CDRT4: variants seen among roughly 807,000 people sequenced by gnomAD.
CDRT4 encodes CMT1A duplicated region transcript 4 protein.
For missense variants in CDRT4, 167 were observed against 193.1 expected (o/e 0.87, Z 0.80); for synonymous variants, 64 against 69.6 (o/e 0.92, Z 0.40).
At chr17:15,465,207 AACAGACACACACCAACAC>A (rs758020299) in intron 1 of CDRT4, among the ~76,000 whole-genome samples, 36 of 126,422 alleles carry the variant, frequency 2.8e-4, no homozygotes, top group Admixed American at 1.5e-3. Flanking sequence ...CAGACACACC[AACAGACACACACCAACAC>A]ACAGACACAC....
rs1226538228 is a variant in CDRT4, at chr17:15,464,147, A to G, written c.-130+3313T>C. 3.3e-5 allele frequency among the ~76,000 whole-genome samples: 5 copies of G among 152,154 alleles called. No individual in the cohort carries two copies. In the East Asian group the frequency reaches 9.7e-4, roughly 29 times the overall value. On this transcript the variant is annotated intron_variant, in intron 1 of 3. Transcript: ENST00000619038. This position sits in a 1 kb window ranked among gnomAD's most constrained non-coding sequence, Gnocchi z 4.5. ...CCAACTGTGTGACCTTGGGTAACTT[A>G]TTAACCTCTCTGGCCGCGTTTTTCT...
At chr17:15,440,449 C>T (rs1978706560) in intron 2 of CDRT4, among the ~76,000 whole-genome samples, 164 bp from the exon 3 acceptor site, 1 of 152,072 alleles carries the variant, frequency 6.6e-6, no homozygotes, top group African/African-American at 2.4e-5. Context: ...TGGAGACAGG[C>T]CAAGTGAGCC....
intron 2 of CDRT4, among the ~76,000 whole-genome samples, chr17:15,441,782 T>C (rs1459031654): frequency 6.6e-6 from 1 of 152,220 alleles, no homozygotes; most frequent in African/African-American, 2.4e-5. Flanking sequence ...TAGAGACAGA[T>C]CTTACAGAGT....
chr17:15,458,367 CA>C (rs770049051), intron 1 of CDRT4, among the ~76,000 whole-genome samples: 12 of 152,164 alleles, frequency 7.9e-5, no homozygotes, highest in Non-Finnish European at 1.6e-4. Flanking sequence ...CATGAAGATG[CA>C]GGCCTGAACT....
intron 2 of CDRT4, among the ~76,000 whole-genome samples, chr17:15,451,275 G>A (rs1052222456): frequency 6.6e-6 from 1 of 152,174 alleles, no homozygotes; most frequent in Admixed American, 6.5e-5. Context: ...CTTCCGCCAT[G>A]AATGTGGAGA....
intron 1 of CDRT4, among the ~76,000 whole-genome samples, chr17:15,466,098 AG>A (rs1421671344): frequency 6.6e-6 from 1 of 152,116 alleles, no homozygotes; most frequent in Non-Finnish European, 1.5e-5. Flanking sequence ...GGAAGCCTGG[AG>A]GAAGCCTGCG....
chr17:15,442,321 A>C (rs1430316219), intron 2 of CDRT4, among the ~76,000 whole-genome samples: 2 of 151,912 alleles, frequency 1.3e-5, no homozygotes. Context: ...GAGGCAGAAG[A>C]GTCACTTGAA....
intron 2 of CDRT4, among the ~76,000 whole-genome samples, chr17:15,449,999 G>A (rs568433092): frequency 6.6e-6 from 1 of 152,242 alleles, no homozygotes; most frequent in Admixed American, 6.5e-5. Context: ...CTGCTATTAT[G>A]AATAGTGCTG....
chr17:15,453,241 C>T (rs558814782), intron 1 of CDRT4, among the ~76,000 whole-genome samples, 156 bp from the exon 2 acceptor site: 6 of 152,290 alleles, frequency 3.9e-5, no homozygotes, highest in African/African-American at 9.6e-5. Flanking sequence ...ATTCCCCAGA[C>T]GTCACAAAAG....
In CDRT4 at chr17:15,436,747, C is replaced by T. The variant is rs547270854; in HGVS notation, c.*1026G>A. ...CTTTGTTTGCCCTCCAAGGGAAAAACCTCTCAATACCAGGTCCAGGAGCAG... is the reference window on the plus strand; with the variant it reads ...CTTTGTTTGCCCTCCAAGGGAAAAATCTCTCAATACCAGGTCCAGGAGCAG... On this transcript the variant is annotated 3_prime_UTR_variant, in exon 4 of 4. Coordinates refer to ENST00000619038, the MANE Select transcript of CDRT4 (RefSeq NM_001204477.2). The T allele has an allele frequency of 1.4e-4, 21 of 152,200 alleles. No individual in the cohort carries two copies. Among genetic ancestry groups the T allele is most frequent in the African/African-American group, 4.8e-4 (20 of 41,400 alleles). The allele number at this position is 152,200 out of a possible 1,614,324, so 9.4% of individuals were successfully genotyped here.
At chr17:15,448,955 C>T (rs2906981) in intron 2 of CDRT4, among the ~76,000 whole-genome samples, 11,969 of 152,302 alleles carry the variant, frequency 0.079, 1,032 homozygotes, top group East Asian at 0.44. Flanking sequence ...ATCACCAGGT[C>T]TTCCTCTCAG....
In CDRT4 at chr17:15,437,685, G is replaced by C; in HGVS notation, c.*88C>G. ...AGATTTAAAGGACACTGTCAAGTGAGTGGTAAATGGAGCTTAACTTTTGTA... is the reference window on the plus strand; with the variant it reads ...AGATTTAAAGGACACTGTCAAGTGACTGGTAAATGGAGCTTAACTTTTGTA... On this transcript the variant is annotated 3_prime_UTR_variant, in exon 4 of 4. Transcript: ENST00000619038. The C allele has an allele frequency of 7.6e-7, 1 of 1,319,516 alleles. No individual in the cohort carries two copies. Among genetic ancestry groups the C allele is most frequent in the Middle Eastern group, 1.9e-4 (1 of 5,284 alleles). The allele number at this position is 1,319,516 out of a possible 1,614,324, so 81.7% of individuals were successfully genotyped here.
rs745650186 is a variant in CDRT4, at chr17:15,438,000, T to G, written c.232A>C (p.Arg78=). ...CCAGAAGACTTGGAAGACTTCCTCC[T>G]TTTCGGCTGAATGACGCTGGAAGGT... ...NKPSSVIQPK[R]RKSSKSSGKA... is the part of the protein sequence containing the mutation. The change falls in exon 4 of 4, where the codon AGG becomes CGG. Residue 78 remains arginine, a synonymous_variant. Coordinates refer to ENST00000619038, the MANE Select transcript of CDRT4 (RefSeq NM_001204477.2). 3 of 1,614,188 alleles carry G rather than the reference T, an allele frequency of 1.9e-6. No individual in the cohort carries two copies. The highest frequency in any genetic ancestry group is 2.2e-5 in the East Asian group (1 of 44,884).
intron 1 of CDRT4, among the ~76,000 whole-genome samples, chr17:15,453,808 GA>G (rs759371867): frequency 2.0e-5 from 3 of 152,142 alleles, no homozygotes; most frequent in Non-Finnish European, 4.4e-5. Context: ...CAGGAACAAG[GA>G]ACAAGACAGT....
chr17:15,449,283 C>T (rs892277290), intron 2 of CDRT4, among the ~76,000 whole-genome samples: 1 of 152,216 alleles, frequency 6.6e-6, no homozygotes, highest in African/African-American at 2.4e-5. Context: ...CCTAACAAAA[C>T]CCATATGCAT....
At chr17:15,439,860 T>C (rs1056595490) in intron 3 of CDRT4, among the ~76,000 whole-genome samples, 3 of 152,088 alleles carry the variant, frequency 2.0e-5, no homozygotes, top group African/African-American at 7.2e-5. Flanking sequence ...AACACCGTTA[T>C]GTTCTCACTC....
intron 2 of CDRT4, among the ~76,000 whole-genome samples, chr17:15,442,749 T>G (rs1488168110): frequency 6.6e-6 from 1 of 152,200 alleles, no homozygotes; most frequent in African/African-American, 2.4e-5. Context: ...AAGCAGGAAC[T>G]AGGAAACGAT....
chr17:15,461,135 T>G (rs868453395), intron 1 of CDRT4, among the ~76,000 whole-genome samples: 9 of 152,226 alleles, frequency 5.9e-5, no homozygotes, highest in Middle Eastern at 3.2e-3. Flanking sequence ...TATTGCTATC[T>G]GAAATTATTT....
chr17:15,456,911 T>C (rs1259982169), intron 1 of CDRT4, among the ~76,000 whole-genome samples: 1 of 152,174 alleles, frequency 6.6e-6, no homozygotes, highest in Non-Finnish European at 1.5e-5. Flanking sequence ...CTCTGCATTG[T>C]TAAAGCCATT....
Sources: allele counts gnomAD v4.1 joint callset (sites outside exome capture counted in the v4.1 genomes callset), GRCh38; gene constraint gnomAD v4.1.1; non-coding constraint Gnocchi (gnomAD v3.1); transcripts MANE v1.5; gene names NCBI Gene and HGNC (gene_info 2026-07-23, HGNC 2026-07-21).